Variants in CDH4 observed in about 807,000 individuals in gnomAD.
CDH4 encodes cadherin 4.
In CDH4, 33 loss-of-function variants were observed where a neutral mutation model predicts 86.0. The observed-to-expected ratio is 0.38, with a 90% CI of 0.29 to 0.51. The LOEUF (loss-of-function observed/expected upper bound fraction) is 0.51, where lower values mean the gene tolerates loss of function less well. CDH4 is among the 20% of genes least tolerant of loss of function. CDH4 has a pLI of 0.86. For synonymous variants in CDH4, 555 were observed against 549.4 expected, an observed-to-expected ratio of 1.01 and a Z score of -0.14; for missense variants, 1,114 against 1,307.4, an observed-to-expected ratio of 0.85 and a Z score of 2.28.
chr20:61,824,676 G>A (rs1258252560), intron 4 of CDH4, among the ~76,000 whole-genome samples: 1 of 152,216 alleles, frequency 6.6e-6, no homozygotes, highest in African/African-American at 2.4e-5. Context: ...TACCAAACAA[G>A]AGATCCAGGT....
chr20:61,327,163 TA>T (rs748621784), intron 2 of CDH4, among the ~76,000 whole-genome samples: 3 of 152,200 alleles, frequency 2.0e-5, no homozygotes, highest in East Asian at 3.9e-4. Flanking sequence ...ATCTTTTATC[TA>T]AAAAAATGTA....
intron 2 of CDH4, among the ~76,000 whole-genome samples, chr20:61,736,449 G>T (rs2088263883): frequency 6.6e-6 from 1 of 152,192 alleles, no homozygotes; most frequent in Non-Finnish European, 1.5e-5. Flanking sequence ...CACAGAACCT[G>T]TGTCTTCCTT....
At chr20:61,758,420 G>A (rs577532140) in intron 3 of CDH4, among the ~76,000 whole-genome samples, 4 of 152,288 alleles carry the variant, frequency 2.6e-5, no homozygotes, top group South Asian at 2.1e-4. Context: ...TAGGCTGTAC[G>A]TTCTGCATGG....
At chr20:61,379,082 A>G (rs2084886603) in intron 2 of CDH4, among the ~76,000 whole-genome samples, 2 of 152,142 alleles carry the variant, frequency 1.3e-5, no homozygotes, top group African/African-American at 4.8e-5. Flanking sequence ...AATGCCGGGT[A>G]GGGGGTTGGG....
chr20:61,252,457 GCGGCGGC>G lies in CDH4; in HGVS notation c.-56_-50del. On this transcript the variant is annotated 5_prime_UTR_variant, in exon 1 of 16. Coordinates refer to ENST00000614565, the MANE Select transcript of CDH4 (RefSeq NM_001794.5). The surrounding 1 kb of genome is among the most constrained non-coding windows in gnomAD (Gnocchi z 4.4). ...GGCGGTGGTCTCGGCGGCGGCGGCG[GCGGCGGC>G]GGCAGGGAGCGGGCTCCCGGTGCCG... The G allele has an allele frequency of 1.1e-6, 1 of 913,924 alleles. No homozygotes were observed. The highest frequency in any genetic ancestry group is 1.3e-6 in the Non-Finnish European group (1 of 748,514). The allele number at this position is 913,924 out of a possible 1,614,324, so 56.6% of individuals were successfully genotyped here.
At chr20:61,272,409 C>A (rs2084188220) in intron 2 of CDH4, among the ~76,000 whole-genome samples, 1 of 152,220 alleles carries the variant, frequency 6.6e-6, no homozygotes, top group Non-Finnish European at 1.5e-5. Flanking sequence ...ATTATTTCCT[C>A]ATTTTGAAAG....
chr20:61,780,614 G>T (rs912072094), intron 4 of CDH4, among the ~76,000 whole-genome samples: 2 of 152,218 alleles, frequency 1.3e-5, no homozygotes, highest in African/African-American at 4.8e-5. Context: ...AAATTGGAAG[G>T]TCTTTTAGTA....
chr20:61,554,249 C>T (rs558821444), intron 2 of CDH4, among the ~76,000 whole-genome samples: 3 of 152,312 alleles, frequency 2.0e-5, no homozygotes, highest in Non-Finnish European at 2.9e-5. Context: ...TTCTGGTTCA[C>T]ATTGCCCTTG....
At chr20:61,840,560 A>T (rs997297336) in intron 4 of CDH4, among the ~76,000 whole-genome samples, 1 of 152,194 alleles carries the variant, frequency 6.6e-6, no homozygotes, top group African/African-American at 2.4e-5. Context: ...CTTTAAACTA[A>T]CCTTTCACCA....
chr20:61,673,820 A>G (rs1388328880), intron 2 of CDH4, among the ~76,000 whole-genome samples: 1 of 152,224 alleles, frequency 6.6e-6, no homozygotes, highest in Non-Finnish European at 1.5e-5. Context: ...CTAAGGGGGA[A>G]ATAAAAATCA....
chr20:61,636,079 G>A (rs1248728704), intron 2 of CDH4, among the ~76,000 whole-genome samples: 1 of 152,242 alleles, frequency 6.6e-6, no homozygotes, highest in Admixed American at 6.5e-5. Flanking sequence ...CCACACGCGT[G>A]GGGGTCCACC....
intron 7 of CDH4, among the ~76,000 whole-genome samples, chr20:61,877,880 G>T (rs901215391): frequency 6.6e-6 from 1 of 152,150 alleles, no homozygotes; most frequent in Non-Finnish European, 1.5e-5. Flanking sequence ...CGTCCCTGGG[G>T]TCCATTGTGT....
chr20:61,803,843 C>T (rs571909188), intron 4 of CDH4, among the ~76,000 whole-genome samples: 2 of 152,364 alleles, frequency 1.3e-5, no homozygotes, highest in Admixed American at 6.5e-5. Context: ...GAAAAACACA[C>T]GCCACCCAGG....
At chr20:61,499,341 G>A (rs6121648) in intron 2 of CDH4, 21 of 752,076 alleles carry the variant, frequency 2.8e-5, no homozygotes, top group East Asian at 2.0e-4. Context: ...CCTCAGTTTC[G>A]CCACCTAGAA....
rs1209088191 is a variant in CDH4 at position 61,703,894 on chromosome 20, C to G, written c.170-39669C>G. Among the ~76,000 whole-genome samples, 1 of 152,174 alleles carries G rather than the reference C, an allele frequency of 6.6e-6. No individual in the cohort carries two copies. Among genetic ancestry groups the G allele is most frequent in the Admixed American group, 6.5e-5 (1 of 15,284 alleles). On this transcript the variant is annotated intron_variant, in intron 2 of 15. Coordinates refer to ENST00000614565, the MANE Select transcript of CDH4 (RefSeq NM_001794.5). This position sits in a 1 kb window ranked among gnomAD's most constrained non-coding sequence, Gnocchi z 4.3. ...AAATATTAATTGTGACCTTTCAGAACTCCCAATTAAATTTTTCCAATAAAA... is the reference window on the plus strand; with the variant it reads ...AAATATTAATTGTGACCTTTCAGAAGTCCCAATTAAATTTTTCCAATAAAA...
At chr20:61,679,340 G>A (rs984626834) in intron 2 of CDH4, among the ~76,000 whole-genome samples, 3 of 152,134 alleles carry the variant, frequency 2.0e-5, no homozygotes, top group African/African-American at 4.8e-5. Context: ...GGCCCCTGGA[G>A]GGCTTTTGTC....
chr20:61,733,708 T>A (rs1211025545), intron 2 of CDH4, among the ~76,000 whole-genome samples: 1 of 150,942 alleles, frequency 6.6e-6, no homozygotes, highest in Non-Finnish European at 1.5e-5. Context: ...AAAGAAAGAA[T>A]GAAAGAAAGA....
At chr20:61,316,850 T>C (rs2084478977) in intron 2 of CDH4, among the ~76,000 whole-genome samples, 1 of 152,138 alleles carries the variant, frequency 6.6e-6, no homozygotes, top group South Asian at 2.1e-4. Context: ...TTGTACAGCA[T>C]GATAGTCACA....
intron 2 of CDH4, among the ~76,000 whole-genome samples, chr20:61,624,954 C>T (rs2086816604): frequency 6.6e-6 from 1 of 152,182 alleles, no homozygotes; most frequent in Non-Finnish European, 1.5e-5. Flanking sequence ...TGACTGGGGC[C>T]ACAGAATAAC....
Sources: gnomAD v4.1 joint callset for allele counts (sites outside exome capture counted in the v4.1 genomes callset) on GRCh38, gnomAD v4.1.1 for gene constraint, Gnocchi (gnomAD v3.1) non-coding constraint, MANE v1.5 for transcripts, NCBI Gene and HGNC (gene_info 2026-07-23, HGNC 2026-07-21) for gene names.